DPAGT1: variants seen among roughly 807,000 people sequenced by gnomAD.
DPAGT1 encodes dolichyl-phosphate N-acetylglucosaminephosphotransferase 1.
Under a neutral mutation model 39.3 loss-of-function variants are expected in DPAGT1, and 25 were observed. The ratio of observed to expected loss-of-function variants is 0.64; its 90% confidence interval spans 0.46 to 0.89. The LOEUF is 0.89. DPAGT1 is among the 40% of genes least tolerant of loss of function. The pLI, the probability that DPAGT1 is intolerant of heterozygous loss-of-function variation, is 0.00. For synonymous variants in DPAGT1, 193 were observed against 201.4 expected, an observed-to-expected ratio of 0.96 and a Z score of 0.36; for missense variants, 381 against 500.6, an observed-to-expected ratio of 0.76 and a Z score of 2.28.
chr11:119,095,551 G>T (rs1224346316), downstream of DPAGT1: 3 of 800,532 alleles, frequency 3.7e-6, no homozygotes, highest in Non-Finnish European at 5.5e-6. Context: ...TCCAATACCC[G>T]CCTCCGGTTG....
chr11:119,101,387 T>TTAG, intron 1 of DPAGT1, 108 bp downstream of exon 1: 1 of 1,595,110 alleles, frequency 6.3e-7, no homozygotes, highest in Non-Finnish European at 8.6e-7. Context: ...GCTGCCTGGG[T>TTAG]TAGTTCTGAG....
chr11:119,098,495 A>G lies in DPAGT1; in HGVS notation c.644-8T>C. The G allele has an allele frequency of 6.2e-7, 1 of 1,614,060 alleles. No individual in the cohort carries two copies. Among genetic ancestry groups the G allele is most frequent in the Non-Finnish European group, 8.5e-7 (1 of 1,179,884 alleles). On this transcript the variant is annotated splice_polypyrimidine_tract_variant and splice_region_variant and intron_variant, in intron 4 of 8. Coordinates refer to ENST00000354202, the MANE Select transcript of DPAGT1 (RefSeq NM_001382.4). ...GATCATCCCGACAATCACCTTTGGA[A>G]GCAAGGAAGAAAGAAGGAAAAGTTA...
chr11:119,099,780 CAAAA>C lies in DPAGT1; in HGVS notation c.643+478_643+481del, dbSNP rs57486910. On this transcript the variant is annotated intron_variant, in intron 4 of 8. Coordinates refer to ENST00000354202, the MANE Select transcript of DPAGT1 (RefSeq NM_001382.4). ...TGCATGACAGAGGGAGACCCTGTCT[CAAAA>C]AAAAAAAAAAAAAAAAAAAAAAGAA... Among the ~76,000 whole-genome samples the C allele has an allele frequency of 4.2e-4, 32 of 75,794 alleles. No individual in the cohort carries two copies. The East Asian group carries it at 5.2e-3, about 12-fold the overall frequency. 49.7% of individuals were successfully genotyped at this position (75,794 alleles called of 152,430 possible).
chr11:119,100,856 C>G lies in DPAGT1; in HGVS notation c.283-13G>C, dbSNP rs758946922. 2.5e-6 allele frequency: 4 copies of G among 1,614,090 alleles called. No homozygotes were observed. The highest frequency in any genetic ancestry group is 3.4e-6 in the Non-Finnish European group (4 of 1,180,002). On this transcript the variant is annotated splice_polypyrimidine_tract_variant and intron_variant, in intron 2 of 8. Transcript: ENST00000354202. ...TCAGGGCCACAAACTGGGGGAGGCT[C>G]GGGCAGGTCCATGACTCAAGCCTGC...
chr11:119,093,878 A>G (rs1443610851), downstream of DPAGT1: 1 of 156,908 alleles, frequency 6.4e-6, no homozygotes, highest in Non-Finnish European at 1.4e-5. Flanking sequence ...GCTCCATTTA[A>G]AAAAAAAACA....
At chr11:119,095,433 A>C, downstream of DPAGT1, 1 of 1,461,330 alleles carries the variant, frequency 6.8e-7, no homozygotes, top group South Asian at 1.4e-5. Context: ...CGGCTCAAAC[A>C]CTAGAACAGA....
Position 119,097,704 on chromosome 11 carries a change from A to G in DPAGT1, c.917+151T>C. The G allele has an allele frequency of 7.0e-7, 1 of 1,429,884 alleles. No individual in the cohort carries two copies. Among genetic ancestry groups the G allele is most frequent in the South Asian group, 1.2e-5 (1 of 86,770 alleles). The allele number at this position is 1,429,884 out of a possible 1,614,324, so 88.6% of individuals were successfully genotyped here. On this transcript the variant is annotated intron_variant, in intron 6 of 8. Coordinates refer to ENST00000354202, the MANE Select transcript of DPAGT1 (RefSeq NM_001382.4). The surrounding 1 kb of genome is among the most constrained non-coding windows in gnomAD (Gnocchi z 4.6). ...CAGAACCACTGTAGCAGATTATGCA[A>G]ATAAATGTGCTTTGTAAGTTATAAA...
At chr11:119,094,885 T>C, downstream of DPAGT1, 2 of 1,393,296 alleles carry the variant, frequency 1.4e-6, no homozygotes, top group South Asian at 1.4e-5. Flanking sequence ...GCTCTTTCCA[T>C]GAGGGCGGTG....
rs1592225825 is a variant in DPAGT1, at chr11:119,097,623, G to A, written c.918-72C>T. 4.5e-6 allele frequency: 7 copies of A among 1,557,388 alleles called. No individual in the cohort carries two copies. In the East Asian group the frequency reaches 1.1e-4, roughly 25 times the overall value. The stretch of plus-strand genomic sequence containing the variant: ...CTCCTCCCTGTGGCTAATAGGAAGA[G>A]CATTGAATGTGGAGTCAACCTGAGA... On this transcript the variant is annotated intron_variant, in intron 6 of 8. Coordinates refer to ENST00000354202, the MANE Select transcript of DPAGT1 (RefSeq NM_001382.4). The surrounding 1 kb of genome is among the most constrained non-coding windows in gnomAD (Gnocchi z 4.6).
chr11:119,101,765 T>C lies in DPAGT1; in HGVS notation c.-110A>G. 5 of 1,577,506 alleles carry C rather than the reference T, an allele frequency of 3.2e-6. No homozygotes were observed. Among genetic ancestry groups the C allele is most frequent in the Non-Finnish European group, 4.3e-6 (5 of 1,163,372 alleles). On this transcript the variant is annotated 5_prime_UTR_variant, in exon 1 of 9. Transcript: ENST00000354202. ...GTGGCCGCTCCCCACAGGCAGGCTC[T>C]TCCCACACCAATCTGAGCAAAACCC...
Position 119,101,220 on chromosome 11 carries a change from A to C in DPAGT1, c.162-82T>G, listed in dbSNP as rs1318325695. ...CTAGTGCAGGTGTTACAGTAACCCA[A>C]AGTGGTCTTCTCATTCCCGGTTTTT... On this transcript the variant is annotated intron_variant, in intron 1 of 8. Coordinates refer to ENST00000354202, the MANE Select transcript of DPAGT1 (RefSeq NM_001382.4). The C allele has an allele frequency of 3.8e-6, 6 of 1,597,548 alleles. No individual in the cohort carries two copies. In the South Asian group the frequency reaches 6.7e-5, roughly 18 times the overall value.
downstream of DPAGT1, chr11:119,095,522 C>G (rs1946379347): frequency 9.7e-7 from 1 of 1,033,218 alleles, no homozygotes; most frequent in Non-Finnish European, 1.3e-6. Context: ...CCTCTGCGCC[C>G]TCCTGATTGG....
In DPAGT1 at chr11:119,100,524, G is replaced by C; in HGVS notation, c.496+106C>G. The C allele has an allele frequency of 1.9e-6, 3 of 1,598,520 alleles. No homozygotes were observed. In the South Asian group the frequency reaches 3.3e-5, roughly 18 times the overall value. On this transcript the variant is annotated intron_variant, in intron 3 of 8. Transcript: ENST00000354202. ...GATGAAGGGCTACCAGAAAGGATCT[G>C]GGAAGACACAGAGACAAAAAAGGAA...
chr11:119,099,811 T>C (rs1256991932), intron 4 of DPAGT1, among the ~76,000 whole-genome samples: 1 of 123,018 alleles, frequency 8.1e-6, no homozygotes, highest in Non-Finnish European at 1.7e-5. Context: ...AAAAAAGAAG[T>C]GGTAGGAACT....
At chr11:119,101,276 G>T (rs575278360) in intron 1 of DPAGT1, 138 bp from the exon 2 acceptor site, 19 of 1,386,436 alleles carry the variant, frequency 1.4e-5, no homozygotes, top group Non-Finnish European at 1.9e-5. Context: ...GGGGCGGAGG[G>T]AGGAAAGCAC....
chr11:119,094,410 C>T (rs937381854), downstream of DPAGT1: 1 of 152,272 alleles, frequency 6.6e-6, no homozygotes, highest in African/African-American at 2.4e-5. Flanking sequence ...AAGCACCACG[C>T]CGGGGGGGTA....
At chr11:119,094,663 G>A (rs896066480), downstream of DPAGT1, 3 of 254,890 alleles carry the variant, frequency 1.2e-5, no homozygotes, top group East Asian at 2.2e-4. Context: ...GCGCCACGGA[G>A]GTCCCCGAAG....
In DPAGT1 at chr11:119,100,779, T is replaced by A; in HGVS notation, c.347A>T (p.Asp116Val). 7 of 1,614,086 alleles carry A rather than the reference T, an allele frequency of 4.3e-6. No individual in the cohort carries two copies. Among genetic ancestry groups the A allele is most frequent in the Non-Finnish European group, 5.9e-6 (7 of 1,180,018 alleles). ...CCMIFLGFADDVLNLRWRHKL... is the reference protein window; with the variant it reads ...CCMIFLGFADVVLNLRWRHKL... ...ATGGCGCCAGCGCAGATTCAGTACA[T>A]CATCCGCAAAGCCCAGGAAGATCAT... The change falls in exon 3 of 9, where the codon GAT (aspartate) becomes GTT (valine). Residue 116 changes from aspartate to valine, a missense_variant. Asp to Val is a radical substitution (Grantham distance 152). Coordinates refer to ENST00000354202, the MANE Select transcript of DPAGT1 (RefSeq NM_001382.4).
downstream of DPAGT1, chr11:119,095,155 G>A (rs758687854): frequency 1.9e-5 from 31 of 1,613,924 alleles, no homozygotes; most frequent in Admixed American, 2.5e-4. Flanking sequence ...GGTGGCGGGG[G>A]ATGATTCGCG....
Sources: allele counts gnomAD v4.1 joint callset (sites outside exome capture counted in the v4.1 genomes callset), GRCh38; gene constraint gnomAD v4.1.1; non-coding constraint Gnocchi (gnomAD v3.1); transcripts MANE v1.5; gene names NCBI Gene and HGNC (gene_info 2026-07-23, HGNC 2026-07-21).